The following ADGRL1 variants were observed in gnomAD, a reference collection of about 807,000 sequenced individuals.
ADGRL1 encodes the protein CIRL-1.
ADGRL1 carries 31 observed loss-of-function variants against 148.9 expected under a neutral mutation model. The observed-to-expected ratio is 0.21, with a 90% CI of 0.16 to 0.28. The LOEUF is 0.28. Among genes scored for constraint, ADGRL1 ranks in the 10% least tolerant of loss-of-function variants. The probability of loss-of-function intolerance (pLI) is 1.00; values close to 1 mark genes in which losing one functional copy is unlikely to be tolerated. For synonymous variants in ADGRL1, 937 were observed against 900.3 expected (o/e 1.04, Z -0.73); for missense variants, 1,521 against 2,058.8 (o/e 0.74, Z 5.05).
chr19:14,180,171 T>G (rs930489039), intron 2 of ADGRL1, among the ~76,000 whole-genome samples: 1 of 152,158 alleles, frequency 6.6e-6, no homozygotes. Context: ...GAGTTAACAC[T>G]GTCCAGGACT....
intron 1 of ADGRL1, among the ~76,000 whole-genome samples, chr19:14,201,383 A>G (rs1463271111): frequency 7.2e-6 from 1 of 138,170 alleles, no homozygotes; most frequent in Non-Finnish European, 1.5e-5. Flanking sequence ...ATCTCCCCCC[A>G]AATTTTGGAA....
At chr19:14,156,056 AGCGTG>A in intron 17 of ADGRL1, 49 bp downstream of exon 17, 1 of 1,088,740 alleles carries the variant, frequency 9.2e-7, no homozygotes, top group Non-Finnish European at 1.2e-6. Flanking sequence ...AGGTGGGCCC[AGCGTG>A]GGGCGGGGGT....
At chr19:14,153,766 C>A (rs545299861) in intron 18 of ADGRL1, among the ~76,000 whole-genome samples, 10 of 150,884 alleles carry the variant, frequency 6.6e-5, no homozygotes, top group African/African-American at 2.4e-4. Context: ...GCCTGGGCAA[C>A]ATGGTGAAAC....
At position 14,159,759 on chromosome 19, in the gene ADGRL1, C is replaced by G; in HGVS notation, c.1815G>C (p.Glu605Asp). 6.2e-7 allele frequency: 1 copy of G among 1,614,026 alleles called. No homozygotes were observed. Among genetic ancestry groups the G allele is most frequent in the Non-Finnish European group, 8.5e-7 (1 of 1,179,942 alleles). The change falls in exon 9 of 23, where the codon GAG becomes GAC. Residue 605 changes from glutamate to aspartate, a missense_variant. By Grantham distance (45) the Glu-to-Asp change is conservative. This residue lies in a region of ADGRL1 where 265 missense variants were observed against 431.9 expected (regional missense o/e 0.61). Transcript: ENST00000361434. This position sits in a 1 kb window ranked among gnomAD's most constrained non-coding sequence, Gnocchi z 6.0. The part of the protein sequence containing the change: ...GKNYNKMHKR[E>D]RTCKDYIKAV... ...CCTTGATATAATCCTTACAAGTTCT[C>G]TCTCGCTTGTGCATCTAGAAAGAGA...
At chr19:14,164,930 G>A (rs1010618771) in intron 4 of ADGRL1, among the ~76,000 whole-genome samples, 2 of 152,100 alleles carry the variant, frequency 1.3e-5, no homozygotes, top group African/African-American at 4.8e-5. Context: ...CCAGGGCGAG[G>A]GCACAGGGCG....
At chr19:14,199,277 T>C (rs555501514) in intron 1 of ADGRL1, among the ~76,000 whole-genome samples, 19 of 152,318 alleles carry the variant, frequency 1.2e-4, no homozygotes, top group Admixed American at 5.2e-4. Flanking sequence ...TTTCGGCAAT[T>C]CCACACATCT....
Position 14,177,747 on chromosome 19 carries a change from G to C in ADGRL1, c.71-3C>G. 6.2e-7 allele frequency: 1 copy of C among 1,608,608 alleles called. No homozygotes were observed. Among genetic ancestry groups the C allele is most frequent in the Non-Finnish European group, 8.5e-7 (1 of 1,178,850 alleles). On this transcript the variant is annotated splice_region_variant and splice_polypyrimidine_tract_variant and intron_variant, in intron 2 of 22. Transcript: ENST00000361434. ...CGGGAGCCCGGCCCGGCTCAGGCCT[G>C]CAGGGAGGGTTGGGGATGGTGTCAC...
In ADGRL1 at chr19:14,159,980, G is replaced by C. The variant is rs960033116; in HGVS notation, c.1800+132C>G. On this transcript the variant is annotated intron_variant, in intron 8 of 22. Coordinates refer to ENST00000361434, the MANE Select transcript of ADGRL1 (RefSeq NM_014921.5). The surrounding 1 kb of genome is among the most constrained non-coding windows in gnomAD (Gnocchi z 6.0). Reference sequence around the variant, plus strand: ...GACCCGGCAGTCCTTGGCGGAGAGGGGGGGGTCCTTCCTCTCTGAGGAAAG... The same window carrying C: ...GACCCGGCAGTCCTTGGCGGAGAGGCGGGGGTCCTTCCTCTCTGAGGAAAG... 9.8e-5 allele frequency: 105 copies of C among 1,074,376 alleles called. No homozygotes were observed. The East Asian group carries it at 1.2e-3, about 12-fold the overall frequency. The allele number at this position is 1,074,376 out of a possible 1,614,324, so 66.6% of individuals were successfully genotyped here.
chr19:14,165,257 G>T (rs1300866223), intron 4 of ADGRL1, among the ~76,000 whole-genome samples: 1 of 152,196 alleles, frequency 6.6e-6, no homozygotes, highest in Admixed American at 6.5e-5. Context: ...CCTGGCTTGG[G>T]CCCTGGGGAC....
intron 1 of ADGRL1, among the ~76,000 whole-genome samples, chr19:14,184,599 AT>A (rs1971442126): frequency 1.4e-5 from 2 of 141,870 alleles, no homozygotes; most frequent in East Asian, 2.1e-4. Flanking sequence ...CCACCAGCTA[AT>A]TTTTATTTTA....
intron 4 of ADGRL1, among the ~76,000 whole-genome samples, chr19:14,164,097 C>T (rs920068890): frequency 2.0e-5 from 3 of 150,128 alleles, no homozygotes; most frequent in Non-Finnish European, 4.5e-5. Context: ...CTGCTCCCCA[C>T]CCCCCACCCA....
intron 4 of ADGRL1, 85 bp from the exon 5 acceptor site, chr19:14,163,491 AG>A: frequency 9.8e-7 from 1 of 1,020,872 alleles, no homozygotes; most frequent in Non-Finnish European, 1.4e-6. Flanking sequence ...AGAGAGAGAG[AG>A]AGAGAGGGGG....
chr19:14,156,547 G>C (rs959910295), intron 16 of ADGRL1, 111 bp downstream of exon 16: 2 of 791,886 alleles, frequency 2.5e-6, no homozygotes, highest in East Asian at 2.7e-5. Context: ...TGTGGAGAGA[G>C]AGAGAGTGTG....
chr19:14,183,447 T>C lies in ADGRL1; in HGVS notation c.70+86A>G, dbSNP rs1479944634. The C allele has an allele frequency of 4.0e-6, 5 of 1,255,406 alleles. No individual in the cohort carries two copies. In the East Asian group the frequency reaches 7.7e-5, roughly 19 times the overall value. The allele number at this position is 1,255,406 out of a possible 1,614,324, so 77.8% of individuals were successfully genotyped here. A position where few individuals can be genotyped will look rare whatever the true frequency, so the allele number is the denominator to read the frequency against. On this transcript the variant is annotated intron_variant, in intron 2 of 22. Transcript: ENST00000361434. ...CAGGGGGCTGTAATTCTTTACTGAGTGATCAGGAGGGTTTTCAACATTTTA... is the reference window on the plus strand; with the variant it reads ...CAGGGGGCTGTAATTCTTTACTGAGCGATCAGGAGGGTTTTCAACATTTTA...
At position 14,200,750 on chromosome 19, in the gene ADGRL1, G is replaced by A. The variant is rs538573978; in HGVS notation, c.-96+5235C>T. 5.3e-5 allele frequency among the ~76,000 whole-genome samples: 8 copies of A among 151,616 alleles called. No homozygotes were observed. In the South Asian group the frequency reaches 1.7e-3, roughly 32 times the overall value. ...CCTCAGCCTCCCGGGTAGCTGGGAC[G>A]ACAGGCGTGCGGCACCATGCCCAAC... On this transcript the variant is annotated intron_variant, in intron 1 of 22. Coordinates refer to ENST00000361434, the MANE Select transcript of ADGRL1 (RefSeq NM_014921.5).
intron 1 of ADGRL1, among the ~76,000 whole-genome samples, chr19:14,188,086 G>C (rs113322481): frequency 0.083 from 12,553 of 152,116 alleles, 661 homozygotes; most frequent in Non-Finnish European, 0.12. Context: ...AACAGAGCAA[G>C]ACCCTCTCTT....
At position 14,162,554 on chromosome 19, in the gene ADGRL1, T is replaced by C. The variant is rs1599421305; in HGVS notation, c.1195+52A>G. ...TCTGGGACCCAGGGGTGGGTGGGGGTGGAGGGGACAAAGGCAAGCAGGCTC... is the reference window on the plus strand; with the variant it reads ...TCTGGGACCCAGGGGTGGGTGGGGGCGGAGGGGACAAAGGCAAGCAGGCTC... On this transcript the variant is annotated intron_variant, in intron 5 of 22. Coordinates refer to ENST00000361434, the MANE Select transcript of ADGRL1 (RefSeq NM_014921.5). The surrounding 1 kb of genome is among the most constrained non-coding windows in gnomAD (Gnocchi z 5.4). 6 of 1,512,724 alleles carry C rather than the reference T, an allele frequency of 4.0e-6. No individual in the cohort carries two copies. The East Asian group carries it at 1.1e-4, about 29-fold the overall frequency. 93.7% of individuals were successfully genotyped at this position (1,512,724 alleles called of 1,614,324 possible).
intron 2 of ADGRL1, 66 bp downstream of exon 2, chr19:14,183,467 A>AT: frequency 7.5e-7 from 1 of 1,341,056 alleles, no homozygotes; most frequent in South Asian, 1.3e-5. Flanking sequence ...GGTTTTCAAC[A>AT]TTTTATCTGC....
chr19:14,155,136 G>GT lies in ADGRL1; in HGVS notation c.3294+222dup, dbSNP rs1968591602. On this transcript the variant is annotated intron_variant, in intron 18 of 22. Transcript: ENST00000361434. The surrounding 1 kb of genome is among the most constrained non-coding windows in gnomAD (Gnocchi z 5.0). Reference sequence around the variant, plus strand: ...TCTGCTCTCACTCCTCTAAGTTGCTGTATCTTGTTTTCCAGAACCCTCTTC... The same window carrying GT: ...TCTGCTCTCACTCCTCTAAGTTGCTGTTATCTTGTTTTCCAGAACCCTCTTC... The GT allele has an allele frequency of 4.8e-6, 2 of 413,366 alleles. No homozygotes were observed. Among genetic ancestry groups the GT allele is most frequent in the Admixed American group, 7.5e-5 (2 of 26,568 alleles). The allele number at this position is 413,366 out of a possible 1,614,324, so 25.6% of individuals were successfully genotyped here. A position where few individuals can be genotyped will look rare whatever the true frequency, so the allele number is the denominator to read the frequency against.
Sources: gnomAD v4.1 joint callset for allele counts (sites outside exome capture counted in the v4.1 genomes callset) on GRCh38, gnomAD v4.1.1 for gene constraint, gnomAD v4.1.1 regional missense constraint, Gnocchi (gnomAD v3.1) non-coding constraint, MANE v1.5 for transcripts, NCBI Gene and HGNC (gene_info 2026-07-23, HGNC 2026-07-21) for gene names.